The following NRCAM variants were observed in gnomAD, a reference collection of about 807,000 sequenced individuals.
The protein encoded by NRCAM is NgCAM-related cell adhesion molecule.
A neutral mutation model predicts 156.5 loss-of-function variants in NRCAM; 83 were observed. The ratio of observed to expected loss-of-function variants is 0.53; its 90% CI spans 0.44 to 0.64. NRCAM has a LOEUF of 0.64. Ranked by LOEUF, NRCAM falls within the 30% of genes least tolerant of loss-of-function variation. The probability of loss-of-function intolerance (pLI) is 0.00; values close to 1 mark genes in which losing one functional copy is unlikely to be tolerated. For missense variants in NRCAM, 1,417 were observed against 1,597.3 expected (o/e 0.89, Z 1.92); for synonymous variants, 538 against 563.9 (o/e 0.95, Z 0.65).
intron 12 of NRCAM, among the ~76,000 whole-genome samples, chr7:108,208,070 G>T (rs1315098896): frequency 6.6e-6 from 1 of 151,452 alleles, no homozygotes; most frequent in Non-Finnish European, 1.5e-5. Flanking sequence ...AAAGTGGCTG[G>T]ATCACTTGAG....
chr7:108,278,149 T>C (rs1212030323), intron 3 of NRCAM, among the ~76,000 whole-genome samples: 3 of 152,306 alleles, frequency 2.0e-5, no homozygotes, highest in African/African-American at 7.2e-5. Flanking sequence ...GAGGTGTTTG[T>C]CAGTCCCTAC....
chr7:108,281,508 T>A (rs2097856956), intron 3 of NRCAM, among the ~76,000 whole-genome samples: 1 of 152,166 alleles, frequency 6.6e-6, no homozygotes, highest in African/African-American at 2.4e-5. Flanking sequence ...AGATTATGAA[T>A]CAAAAAGGTT....
intron 1 of NRCAM, among the ~76,000 whole-genome samples, chr7:108,433,864 A>G (rs142702673): frequency 1.3e-5 from 2 of 152,350 alleles, no homozygotes; most frequent in East Asian, 3.9e-4. Flanking sequence ...TAGCAACACA[A>G]AATGGACTAG....
rs540021144 is a variant in NRCAM at position 108,403,989 on chromosome 7, G to A, written c.-331-4396C>T. On this transcript the variant is annotated intron_variant, in intron 1 of 32. Transcript: ENST00000379028. ...ACCGAAGGGCTTTTTAAGTTCTCCT[G>A]GCTGCTTTTCTTAGTTTTTCTGACT... 4.6e-5 allele frequency among the ~76,000 whole-genome samples: 7 copies of A among 152,174 alleles called. No individual in the cohort carries two copies. The South Asian group carries it at 1.5e-3, about 32-fold the overall frequency.
chr7:108,189,606 AT>A, intron 20 of NRCAM, 38 bp downstream of exon 20: 1 of 839,322 alleles, frequency 1.2e-6, no homozygotes, highest in South Asian at 1.4e-5. Context: ...AAACATGGCC[AT>A]TTAGTTGATC....
At chr7:108,323,216 T>C (rs377118974) in intron 2 of NRCAM, among the ~76,000 whole-genome samples, 1 of 152,230 alleles carries the variant, frequency 6.6e-6, no homozygotes, top group Non-Finnish European at 1.5e-5. Flanking sequence ...TGAATGAAGT[T>C]TGCATTTTCA....
chr7:108,342,208 G>C (rs2099291877), intron 2 of NRCAM, among the ~76,000 whole-genome samples: 1 of 152,182 alleles, frequency 6.6e-6, no homozygotes, highest in African/African-American at 2.4e-5. Context: ...CAGAAACCTT[G>C]TGCCATCAAG....
intron 1 of NRCAM, among the ~76,000 whole-genome samples, chr7:108,408,391 G>A (rs1202694165): frequency 2.6e-5 from 4 of 152,202 alleles, no homozygotes; most frequent in African/African-American, 7.2e-5. Context: ...CCTATTTGGT[G>A]GTCATGGATT....
intron 3 of NRCAM, among the ~76,000 whole-genome samples, chr7:108,256,212 G>A (rs1432536426): frequency 6.6e-6 from 1 of 151,692 alleles, no homozygotes. Flanking sequence ...AAGAAAGAGA[G>A]ATCAGATTGT....
At chr7:108,419,656 C>T (rs1466342232) in intron 1 of NRCAM, among the ~76,000 whole-genome samples, 1 of 152,220 alleles carries the variant, frequency 6.6e-6, no homozygotes, top group Non-Finnish European at 1.5e-5. Flanking sequence ...CACTTCTTTT[C>T]TCTCAGAAAG....
At chr7:108,261,125 C>G (rs1423479746) in intron 3 of NRCAM, among the ~76,000 whole-genome samples, 1 of 152,160 alleles carries the variant, frequency 6.6e-6, no homozygotes, top group Admixed American at 6.5e-5. Context: ...TGTCTGGGTC[C>G]AAGCTGACTT....
At chr7:108,439,280 A>G (rs1598127498) in intron 1 of NRCAM, among the ~76,000 whole-genome samples, 2 of 152,350 alleles carry the variant, frequency 1.3e-5, no homozygotes, top group East Asian at 3.9e-4. Context: ...CTCAAAGGGC[A>G]TATCAAGAAA....
At position 108,445,000 on chromosome 7, in the gene NRCAM, C is replaced by T. The variant is rs188923541; in HGVS notation, c.-332+11243G>A. Among the ~76,000 whole-genome samples, 33 of 152,320 alleles carry T rather than the reference C, an allele frequency of 2.2e-4. 1 individual carries two copies. The highest frequency in any genetic ancestry group is 7.9e-4 in the African/African-American group (33 of 41,574). Reference sequence around the variant, plus strand: ...TATACAAACCTGCTCACAAGCCACACTGCATGTATCTCCCTTTATTTCAAA... The same window carrying T: ...TATACAAACCTGCTCACAAGCCACATTGCATGTATCTCCCTTTATTTCAAA... On this transcript the variant is annotated intron_variant, in intron 1 of 32. Coordinates refer to ENST00000379028, the MANE Select transcript of NRCAM (RefSeq NM_001037132.4).
At chr7:108,240,787 T>A (rs188152933) in intron 3 of NRCAM, among the ~76,000 whole-genome samples, 1 of 152,312 alleles carries the variant, frequency 6.6e-6, no homozygotes, top group East Asian at 1.9e-4. Flanking sequence ...GGAGTAGCCA[T>A]ATGTGATCCC....
intron 3 of NRCAM, among the ~76,000 whole-genome samples, chr7:108,255,170 TCCC>T (rs111800077): frequency 0.098 from 8,537 of 86,974 alleles, 322 homozygotes; most frequent in African/African-American, 0.19. Context: ...CCTCTCCCCC[TCCC>T]CCCCCTGCCC....
chr7:108,374,812 T>A (rs2099665094), intron 2 of NRCAM, among the ~76,000 whole-genome samples: 1 of 152,088 alleles, frequency 6.6e-6, no homozygotes, highest in South Asian at 2.1e-4. Context: ...TCATGATCAA[T>A]GATTAGGGAG....
chr7:108,227,962 G>C lies in NRCAM; in HGVS notation c.551-1584C>G, dbSNP rs536021721. On this transcript the variant is annotated intron_variant, in intron 8 of 32. Transcript: ENST00000379028. ...GTTAATCAAATTATTGGTTAAGATGGGGGTTTGGTTGGTGGTTGCAAATTT... is the reference window on the plus strand; with the variant it reads ...GTTAATCAAATTATTGGTTAAGATGCGGGTTTGGTTGGTGGTTGCAAATTT... Among the ~76,000 whole-genome samples the C allele has an allele frequency of 4.3e-4, 66 of 152,290 alleles. 1 individual carries two copies. In the South Asian group the frequency reaches 0.013, roughly 30 times the overall value.
Position 108,226,351 on chromosome 7 carries a change from C to G in NRCAM, c.578G>C (p.Arg193Thr). The G allele has an allele frequency of 6.2e-7, 1 of 1,612,922 alleles. No individual in the cohort carries two copies. ...NSFQRLPQSERVSQGLNGDLY... is the reference protein window; with the variant it reads ...NSFQRLPQSETVSQGLNGDLY... ...GTCCCCATTCAAACCTTGAGAAACT[C>G]TCTCACTTTGTGGAAGTCTTTGAAA... The change falls in exon 9 of 33, where the codon AGA becomes ACA. Residue 193 changes from arginine (R) to threonine (T), a missense_variant. Physicochemically the swap from Arg to Thr is moderately conservative, Grantham distance 71. Around this residue, in one of 2 missense-constraint regions of NRCAM, gnomAD observed 1,238 missense variants for 1,336.4 expected, o/e 0.93. Transcript: ENST00000379028.
At chr7:108,271,752 G>C (rs1029858591) in intron 3 of NRCAM, among the ~76,000 whole-genome samples, 2 of 151,362 alleles carry the variant, frequency 1.3e-5, no homozygotes, top group African/African-American at 2.4e-5. Context: ...GTAACCTGAA[G>C]TTCTTACCCC....
Sources: allele counts gnomAD v4.1 joint callset (sites outside exome capture counted in the v4.1 genomes callset), GRCh38; gene constraint gnomAD v4.1.1; regional missense constraint gnomAD v4.1.1; transcripts MANE v1.5; gene names NCBI Gene and HGNC (gene_info 2026-07-23, HGNC 2026-07-21).